TMEM132D: variants seen among roughly 807,000 people sequenced by gnomAD.
TMEM132D encodes mature OL transmembrane protein.
In TMEM132D, 21 loss-of-function variants were observed where a neutral mutation model predicts 62.3. The observed-to-expected ratio is 0.34, with a 90% CI of 0.24 to 0.49. TMEM132D has a LOEUF of 0.49. TMEM132D is among the 20% of genes least tolerant of loss of function. TMEM132D has a pLI of 0.99. For synonymous variants in TMEM132D, 621 were observed against 575.6 expected (o/e 1.08, Z -1.13); for missense variants, 1,346 against 1,402.8 (o/e 0.96, Z 0.65).
At chr12:129,432,122 G>C (rs1390345206) in intron 3 of TMEM132D, among the ~76,000 whole-genome samples, 1 of 137,954 alleles carries the variant, frequency 7.2e-6, no homozygotes, top group African/African-American at 2.8e-5. Context: ...TGGATGGATA[G>C]GTGGATGGAT....
intron 1 of TMEM132D, among the ~76,000 whole-genome samples, chr12:129,770,149 T>TTTG (rs1280895249): frequency 7.1e-6 from 1 of 141,152 alleles, no homozygotes; most frequent in Admixed American, 7.1e-5. Context: ...GGTTGTTTTT[T>TTTG]TTTTTTTTTT....
intron 2 of TMEM132D, among the ~76,000 whole-genome samples, chr12:129,557,041 G>C (rs978155764): frequency 1.3e-5 from 2 of 152,056 alleles, no homozygotes; most frequent in African/African-American, 4.8e-5. Flanking sequence ...GTGTTCACTG[G>C]AATCTAAATA....
At chr12:129,209,231 G>A (rs888735415) in intron 5 of TMEM132D, among the ~76,000 whole-genome samples, 3 of 152,142 alleles carry the variant, frequency 2.0e-5, no homozygotes, top group Admixed American at 6.5e-5. Context: ...TGCCTCCCAC[G>A]ACAATCTCCC....
chr12:129,875,159 C>T (rs1343444652), intron 1 of TMEM132D, among the ~76,000 whole-genome samples: 5 of 152,230 alleles, frequency 3.3e-5, no homozygotes, highest in African/African-American at 1.2e-4. Flanking sequence ...TGACAGAGAC[C>T]GCATGGCCTG....
At chr12:129,326,184 ATC>A (rs1387766617) in intron 4 of TMEM132D, among the ~76,000 whole-genome samples, 3 of 152,208 alleles carry the variant, frequency 2.0e-5, no homozygotes, top group African/African-American at 4.8e-5. Flanking sequence ...GTCAGAATTC[ATC>A]TCTGTTCTCC....
chr12:129,127,456 G>A lies in TMEM132D; in HGVS notation c.1444-42754C>T, dbSNP rs561931828. On this transcript the variant is annotated intron_variant, in intron 5 of 8. Transcript: ENST00000422113. ...CCCCTCGCTTCCGGCAGGTCCAGAA[G>A]GTTTCCCAAGAGCCAAATTTTGTTC... 3.3e-5 allele frequency among the ~76,000 whole-genome samples: 5 copies of A among 152,184 alleles called. No individual in the cohort carries two copies. In the East Asian group the frequency reaches 7.7e-4, roughly 24 times the overall value.
chr12:129,170,353 C>A (rs1157493203), intron 5 of TMEM132D: 1 of 152,092 alleles, frequency 6.6e-6, no homozygotes, highest in African/African-American at 2.4e-5. Flanking sequence ...TACAGGCACA[C>A]CTTGGAGATA....
intron 2 of TMEM132D, among the ~76,000 whole-genome samples, chr12:129,689,760 A>G (rs1169780796): frequency 6.6e-6 from 1 of 152,220 alleles, no homozygotes; most frequent in East Asian, 1.9e-4. Flanking sequence ...ATGTTTCTGT[A>G]ACTTCCAAAA....
rs183238122 is a variant in TMEM132D at position 129,893,636 on chromosome 12, A to G, written c.79+9625T>C. 2.1e-4 allele frequency among the ~76,000 whole-genome samples: 32 copies of G among 152,282 alleles called. No homozygotes were observed. The East Asian group carries it at 6.2e-3, about 29-fold the overall frequency. ...TTTCTCATTTTCTGAATGAGTTAAA[A>G]TTTTCCATTTTTCCCCTTCAGCAGA... On this transcript the variant is annotated intron_variant, in intron 1 of 8. Coordinates refer to ENST00000422113, the MANE Select transcript of TMEM132D (RefSeq NM_133448.3).
chr12:129,356,896 GAAGGA>G (rs1394651405), intron 3 of TMEM132D, among the ~76,000 whole-genome samples: 1 of 121,032 alleles, frequency 8.3e-6, no homozygotes, highest in Non-Finnish European at 1.6e-5. Context: ...CAAAACAAAG[GAAGGA>G]AAGGAAAGGT....
chr12:129,244,406 A>AAAAAAAC (rs1555240904), intron 4 of TMEM132D, among the ~76,000 whole-genome samples: 2 of 146,190 alleles, frequency 1.4e-5, no homozygotes, highest in African/African-American at 5.1e-5. Flanking sequence ...AAAAAAAAAA[A>AAAAAAAC]AAACAAACAA....
chr12:129,325,769 G>T (rs957553016), intron 4 of TMEM132D, among the ~76,000 whole-genome samples: 36 of 152,206 alleles, frequency 2.4e-4, no homozygotes, highest in Admixed American at 2.2e-3. Context: ...AGGAACCTGA[G>T]AATTAGTCAC....
rs2135658439 is a variant in TMEM132D, at chr12:129,337,810, C to T, written c.1123G>A (p.Gly375Ser). ...ATCTGCATGACCTCGTAGGAGGCGC[C>T]ATCCGCACTGGAGAGAAGACACAGA... ...KAAGSENSAD[G>S]ASYEVMQIDV... Residue 375 changes from glycine to serine, a missense_variant, in exon 4 of 9, where the codon GGC (glycine) becomes AGC (serine). By Grantham distance (56) the Gly-to-Ser change is moderately conservative. Transcript: ENST00000422113. 3 of 1,608,888 alleles carry T rather than the reference C, an allele frequency of 1.9e-6. No individual in the cohort carries two copies. The highest frequency in any genetic ancestry group is 2.5e-6 in the Non-Finnish European group (3 of 1,176,948).
At chr12:129,312,320 C>T (rs1403960291) in intron 4 of TMEM132D, among the ~76,000 whole-genome samples, 3 of 151,820 alleles carry the variant, frequency 2.0e-5, no homozygotes, top group African/African-American at 4.8e-5. Context: ...AGAATGAAGC[C>T]TTAGGGGGAA....
chr12:129,614,363 A>G (rs1468459407), intron 2 of TMEM132D, among the ~76,000 whole-genome samples: 1 of 152,232 alleles, frequency 6.6e-6, no homozygotes, highest in Non-Finnish European at 1.5e-5. Flanking sequence ...AGAGGGACTG[A>G]TGCCCTGCTG....
chr12:129,480,794 C>T (rs762250592), intron 3 of TMEM132D, among the ~76,000 whole-genome samples: 1 of 152,164 alleles, frequency 6.6e-6, no homozygotes, highest in South Asian at 2.1e-4. Context: ...AAAACTTGCT[C>T]GAATGAAGTG....
chr12:129,804,062 A>G, intron 1 of TMEM132D, among the ~76,000 whole-genome samples: 2 of 82,992 alleles, frequency 2.4e-5, no homozygotes, highest in South Asian at 5.0e-4. Flanking sequence ...CTTACCAACC[A>G]AAAAGAGTCC....
At chr12:129,502,113 C>T (rs1389215331) in intron 3 of TMEM132D, among the ~76,000 whole-genome samples, 1 of 152,102 alleles carries the variant, frequency 6.6e-6, no homozygotes, top group Non-Finnish European at 1.5e-5. Context: ...CATTCTCCTG[C>T]CTCAGCCTCC....
rs574484472 is a variant in TMEM132D at position 129,797,480 on chromosome 12, G to A, written c.80-96782C>T. Among the ~76,000 whole-genome samples the A allele has an allele frequency of 7.9e-5, 12 of 152,308 alleles. No individual in the cohort carries two copies. The South Asian group carries it at 1.0e-3, about 13-fold the overall frequency. On this transcript the variant is annotated intron_variant, in intron 1 of 8. Coordinates refer to ENST00000422113, the MANE Select transcript of TMEM132D (RefSeq NM_133448.3). ...AGCCTTCCCACAGAGGTCACTGTGC[G>A]CATCCACCTGCAGGATGCTTCACTG... is the stretch of plus-strand genomic sequence containing the variant.
Sources: allele counts gnomAD v4.1 joint callset (sites outside exome capture counted in the v4.1 genomes callset), GRCh38; gene constraint gnomAD v4.1.1; transcripts MANE v1.5; gene names NCBI Gene and HGNC (gene_info 2026-07-23, HGNC 2026-07-21).